PLPPR5: variants seen among roughly 807,000 people sequenced by gnomAD.
PLPPR5 encodes the protein phospholipid phosphatase related 5.
Under a neutral mutation model 33.9 loss-of-function variants are expected in PLPPR5, and 16 were observed. That is an observed-to-expected ratio of 0.47 (90% CI 0.32 to 0.72). PLPPR5 has a LOEUF of 0.72. Among genes scored for constraint, PLPPR5 ranks in the 30% least tolerant of loss-of-function variants. The probability of loss-of-function intolerance (pLI) is 0.03; values close to 1 mark genes in which losing one functional copy is unlikely to be tolerated. For missense variants in PLPPR5, 301 were observed against 406.7 expected (o/e 0.74, Z 2.23); for synonymous variants, 163 against 150.3 (o/e 1.08, Z -0.62).
rs1010800275 is a variant in PLPPR5, at chr1:98,962,095, C to T, written c.238-5354G>A. Among the ~76,000 whole-genome samples, 3 of 152,318 alleles carry T rather than the reference C, an allele frequency of 2.0e-5. No individual in the cohort carries two copies. The South Asian group carries it at 6.2e-4, about 32-fold the overall frequency. ...TCTCAATTAATCCATTCAATTTCTACTTGGACTCAAGCTAAAACTCTCATA... is the reference window on the plus strand; with the variant it reads ...TCTCAATTAATCCATTCAATTTCTATTTGGACTCAAGCTAAAACTCTCATA... On this transcript the variant is annotated intron_variant, in intron 1 of 5. Coordinates refer to ENST00000263177, the MANE Select transcript of PLPPR5 (RefSeq NM_001037317.2).
At chr1:98,921,764 A>G (rs1040566604) in intron 4 of PLPPR5, 118 bp downstream of exon 4, 2 of 769,902 alleles carry the variant, frequency 2.6e-6, no homozygotes, top group Non-Finnish European at 2.0e-6. Context: ...TACTTAAATG[A>G]ATGATTTGTT....
chr1:98,920,977 T>C (rs1649532510), intron 4 of PLPPR5, among the ~76,000 whole-genome samples: 1 of 152,134 alleles, frequency 6.6e-6, no homozygotes, highest in Non-Finnish European at 1.5e-5. Flanking sequence ...CTCATACTTA[T>C]AAAATGTTAT....
At chr1:98,933,968 C>T (rs1398394418) in intron 3 of PLPPR5, among the ~76,000 whole-genome samples, 1 of 152,078 alleles carries the variant, frequency 6.6e-6, no homozygotes, top group Non-Finnish European at 1.5e-5. Flanking sequence ...GGGTAGTGTC[C>T]TAGGTGCTTG....
At chr1:98,959,195 C>T (rs1415011312) in intron 1 of PLPPR5, among the ~76,000 whole-genome samples, 1 of 152,130 alleles carries the variant, frequency 6.6e-6, no homozygotes, top group Non-Finnish European at 1.5e-5. Flanking sequence ...ATATGAAGTC[C>T]CTGACTTGAT....
At chr1:99,004,324 GA>G in intron 1 of PLPPR5, 110 bp downstream of exon 1, 1 of 919,950 alleles carries the variant, frequency 1.1e-6, no homozygotes, top group Non-Finnish European at 1.6e-6. Context: ...TAACTTGGAG[GA>G]ACTTAGAAGG....
intron 3 of PLPPR5, among the ~76,000 whole-genome samples, chr1:98,927,408 T>C (rs1649808090): frequency 6.6e-6 from 1 of 152,190 alleles, no homozygotes; most frequent in African/African-American, 2.4e-5. Context: ...GCTTCATTGG[T>C]GCCCTACTGA....
intron 5 of PLPPR5, among the ~76,000 whole-genome samples, chr1:98,900,084 C>T (rs1648636846): frequency 6.6e-6 from 1 of 152,136 alleles, no homozygotes; most frequent in African/African-American, 2.4e-5. Flanking sequence ...ACCTCCCTCA[C>T]ACAACAAGGT....
chr1:98,921,263 T>C (rs1206645919), intron 4 of PLPPR5, among the ~76,000 whole-genome samples: 1 of 152,220 alleles, frequency 6.6e-6, no homozygotes, highest in Non-Finnish European at 1.5e-5. Flanking sequence ...GTATGCTCTT[T>C]ACTATGCGGT....
At chr1:98,947,790 A>T (rs1289285021) in intron 3 of PLPPR5, among the ~76,000 whole-genome samples, 1 of 152,196 alleles carries the variant, frequency 6.6e-6, no homozygotes, top group Non-Finnish European at 1.5e-5. Flanking sequence ...CAATCGACTA[A>T]TAATAGTGGT....
intron 4 of PLPPR5, among the ~76,000 whole-genome samples, chr1:98,917,670 G>A (rs74108776): frequency 0.022 from 3,389 of 152,148 alleles, 152 homozygotes; most frequent in African/African-American, 0.078. Flanking sequence ...TCACTTCCTC[G>A]TGGATGCCTT....
intron 3 of PLPPR5, among the ~76,000 whole-genome samples, chr1:98,937,999 A>G (rs1650235646): frequency 1.3e-5 from 2 of 152,162 alleles, no homozygotes. Context: ...ACCTATATAC[A>G]TTTGCCCCCT....
chr1:98,933,944 C>T (rs748952872), intron 3 of PLPPR5, among the ~76,000 whole-genome samples: 9 of 152,190 alleles, frequency 5.9e-5, no homozygotes, highest in South Asian at 4.2e-4. Flanking sequence ...TTGTTACTTA[C>T]GCAAAAGGAG....
chr1:99,003,431 T>C (rs1220596715), intron 1 of PLPPR5, among the ~76,000 whole-genome samples: 3 of 152,016 alleles, frequency 2.0e-5, no homozygotes, highest in Non-Finnish European at 4.4e-5. Context: ...TGTTATCTGT[T>C]GAGGGAGAGA....
At chr1:98,957,678 T>C (rs1173617480) in intron 1 of PLPPR5, among the ~76,000 whole-genome samples, 2 of 152,208 alleles carry the variant, frequency 1.3e-5, no homozygotes, top group African/African-American at 4.8e-5. Context: ...GAGACATTAC[T>C]AGGAATTGTC....
intron 1 of PLPPR5, among the ~76,000 whole-genome samples, chr1:99,000,102 A>T (rs1017328575): frequency 6.6e-6 from 1 of 152,322 alleles, no homozygotes; most frequent in East Asian, 1.9e-4. Context: ...AACACCAAGG[A>T]TCACTAACTA....
chr1:98,920,820 CAT>C (rs1408869369), intron 4 of PLPPR5, among the ~76,000 whole-genome samples: 3 of 151,978 alleles, frequency 2.0e-5, no homozygotes, highest in East Asian at 1.9e-4. Context: ...TCAAAATGGA[CAT>C]AAAGTATTTT....
intron 3 of PLPPR5, among the ~76,000 whole-genome samples, chr1:98,946,675 A>G (rs1650564301): frequency 2.6e-5 from 4 of 152,118 alleles, no homozygotes; most frequent in Admixed American, 2.6e-4. Flanking sequence ...TCCCTCCTGG[A>G]CATTGGGTGG....
At chr1:98,946,744 C>T (rs1650567217) in intron 3 of PLPPR5, among the ~76,000 whole-genome samples, 1 of 152,124 alleles carries the variant, frequency 6.6e-6, no homozygotes, top group Non-Finnish European at 1.5e-5. Flanking sequence ...TATTAGACCC[C>T]CTACTCAGGG....
chr1:98,917,343 C>T (rs1481364224), intron 4 of PLPPR5, among the ~76,000 whole-genome samples: 1 of 152,194 alleles, frequency 6.6e-6, no homozygotes, highest in Admixed American at 6.6e-5. Context: ...GAAGCAACTA[C>T]CACCTGTTGC....
Sources: allele counts gnomAD v4.1 joint callset (sites outside exome capture counted in the v4.1 genomes callset), GRCh38; gene constraint gnomAD v4.1.1; transcripts MANE v1.5; gene names NCBI Gene and HGNC (gene_info 2026-07-23, HGNC 2026-07-21).